The following SHROOM4 variants were observed in gnomAD, a reference collection of about 807,000 sequenced individuals.
The protein encoded by SHROOM4 is shroom family member 4, also known as protein Shroom4.
SHROOM4 carries 17 observed loss-of-function variants against 80.3 expected under a neutral mutation model. That is an observed-to-expected ratio of 0.21 (90% CI 0.14 to 0.32). The LOEUF is 0.32. Among genes scored for constraint, SHROOM4 ranks in the 10% least tolerant of loss-of-function variants. The pLI is 1.00. For synonymous variants in SHROOM4, 400 were observed against 437.5 expected (o/e 0.91, Z 1.07); for missense variants, 993 against 1,140.3 (o/e 0.87, Z 1.86).
rs782630741 is a variant in SHROOM4, at chrX:50,763,510, T to C, written c.117+50392A>G. On this transcript the variant is annotated intron_variant, in intron 1 of 8. Coordinates refer to ENST00000376020, the MANE Select transcript of SHROOM4 (RefSeq NM_020717.5). ...ATACTGTAACAAATCTAGATTCTGA[T>C]TAGCTTTCCCACCACTACCATGGGG... Among the ~76,000 whole-genome samples the C allele has an allele frequency of 4.5e-5, 5 of 111,688 alleles. No homozygotes were observed. In the East Asian group the frequency reaches 1.1e-3, roughly 25 times the overall value.
At chrX:50,649,038 G>A (rs1036958606) in intron 2 of SHROOM4, among the ~76,000 whole-genome samples, 1 of 111,828 alleles carries the variant, frequency 8.9e-6, no homozygotes, top group African/African-American at 3.3e-5. Context: ...TAAAATCAGA[G>A]CAATGGCAGT....
intron 1 of SHROOM4, among the ~76,000 whole-genome samples, chrX:50,758,359 TG>T (rs2147619581): frequency 8.9e-6 from 1 of 112,166 alleles, no homozygotes; most frequent in African/African-American, 3.2e-5. Flanking sequence ...TTTTTGTATA[TG>T]CCCTTTATCA....
chrX:50,612,692 G>A (rs782694492), intron 5 of SHROOM4, among the ~76,000 whole-genome samples: 3 of 111,504 alleles, frequency 2.7e-5, no homozygotes, highest in African/African-American at 9.8e-5. Context: ...ATCAAGTGGG[G>A]TTCATCCTAG....
Position 50,714,667 on chromosome X carries a change from T to C in SHROOM4, c.118-18730A>G, listed in dbSNP as rs1169440173. On this transcript the variant is annotated intron_variant, in intron 1 of 8. Coordinates refer to ENST00000376020, the MANE Select transcript of SHROOM4 (RefSeq NM_020717.5). ...AATGCACTTCAACACTTTTAAATTA[T>C]AACTTTAATTTACAGTATGTTAAGA... 8.0e-5 allele frequency among the ~76,000 whole-genome samples: 9 copies of C among 112,506 alleles called. No homozygotes were observed. In the East Asian group the frequency reaches 2.2e-3, roughly 28 times the overall value.
chrX:50,627,523 C>G, intron 5 of SHROOM4, 91 bp downstream of exon 5: 2 of 850,292 alleles, frequency 2.4e-6, no homozygotes, highest in South Asian at 4.1e-5. Flanking sequence ...CCAGTTTCCT[C>G]AAAGGAAACT....
intron 2 of SHROOM4, among the ~76,000 whole-genome samples, chrX:50,694,370 G>GT (rs782772040): frequency 0.021 from 1,993 of 94,757 alleles, 26 homozygotes; most frequent in Non-Finnish European, 0.033. Flanking sequence ...ACCAGCATCT[G>GT]TTTTTTTTTT....
At chrX:50,694,650 T>C (rs1557262909) in intron 2 of SHROOM4, among the ~76,000 whole-genome samples, 1 of 102,986 alleles carries the variant, frequency 9.7e-6, no homozygotes, top group East Asian at 3.1e-4. Flanking sequence ...GCTATAATGT[T>C]AAATGCCATA....
At chrX:50,615,101 TGTGTG>T (rs1569546554) in intron 5 of SHROOM4, among the ~76,000 whole-genome samples, 5 of 41,177 alleles carry the variant, frequency 1.2e-4, no homozygotes, top group African/African-American at 9.8e-4. Context: ...TCTCTTATTG[TGTGTG>T]TGTGTGTGTG....
chrX:50,575,848 A>T, the SHROOM4 span, among the ~76,000 whole-genome samples: 813 of 111,950 alleles, frequency 7.3e-3, 12 homozygotes, highest in African/African-American at 0.025. Flanking sequence ...CCAGTTTTAG[A>T]ACATTTTCCC....
chrX:50,787,840 A>G (rs967541704), intron 1 of SHROOM4, among the ~76,000 whole-genome samples: 18 of 111,038 alleles, frequency 1.6e-4, no homozygotes, highest in African/African-American at 5.9e-4. Flanking sequence ...AAAGATGAAG[A>G]GATTAAGCTT....
intron 1 of SHROOM4, among the ~76,000 whole-genome samples, chrX:50,794,647 T>TGC (rs373840423): frequency 1.0e-5 from 1 of 97,195 alleles, no homozygotes; most frequent in Non-Finnish European, 2.1e-5. Context: ...CACACACACA[T>TGC]ACACACACAC....
At chrX:50,585,993 C>A (rs1193411779), downstream of SHROOM4, among the ~76,000 whole-genome samples, 3 of 111,669 alleles carry the variant, frequency 2.7e-5, no homozygotes, top group African/African-American at 9.8e-5. Flanking sequence ...AATTTATCCA[C>A]AATCTCATTA....
intron 1 of SHROOM4, among the ~76,000 whole-genome samples, chrX:50,742,558 C>T (rs1462013273): frequency 2.0e-5 from 2 of 102,233 alleles, no homozygotes; most frequent in African/African-American, 7.6e-5. Context: ...TCCAGTAGTA[C>T]TGGTCAGGTA....
At chrX:50,699,313 C>T (rs922999741) in intron 1 of SHROOM4, among the ~76,000 whole-genome samples, 5 of 111,938 alleles carry the variant, frequency 4.5e-5, no homozygotes, top group Admixed American at 9.5e-5. Context: ...TGACTTTGGA[C>T]AAGTCCCTTT....
At chrX:50,620,730 G>A (rs1930538771) in intron 5 of SHROOM4, among the ~76,000 whole-genome samples, 1 of 111,566 alleles carries the variant, frequency 9.0e-6, no homozygotes, top group African/African-American at 3.3e-5. Flanking sequence ...ATGCCTTGAA[G>A]TTGCTTCTAT....
chrX:50,776,373 T>C (rs782348573), intron 1 of SHROOM4, among the ~76,000 whole-genome samples: 46 of 112,012 alleles, frequency 4.1e-4, no homozygotes, highest in Non-Finnish European at 7.3e-4. Flanking sequence ...AAGGTAGTAT[T>C]GAGCATTACT....
At chrX:50,651,742 C>G (rs1358530034) in intron 2 of SHROOM4, among the ~76,000 whole-genome samples, 2 of 100,628 alleles carry the variant, frequency 2.0e-5, no homozygotes, top group African/African-American at 7.3e-5. Context: ...AGCCCCTTAA[C>G]CCCCGACATG....
At chrX:50,676,400 G>T (rs1194851467) in intron 2 of SHROOM4, among the ~76,000 whole-genome samples, 2 of 110,724 alleles carry the variant, frequency 1.8e-5, no homozygotes, top group African/African-American at 6.5e-5. Context: ...TATTTTGCAA[G>T]GCAAAACTCC....
At chrX:50,714,660 T>C (rs922039534) in intron 1 of SHROOM4, among the ~76,000 whole-genome samples, 2 of 112,436 alleles carry the variant, frequency 1.8e-5, no homozygotes, top group African/African-American at 6.5e-5. Flanking sequence ...TCAACACTTT[T>C]AAATTATAAC....
Sources: allele counts gnomAD v4.1 joint callset (sites outside exome capture counted in the v4.1 genomes callset), GRCh38; gene constraint gnomAD v4.1.1; transcripts MANE v1.5; gene names NCBI Gene and HGNC (gene_info 2026-07-23, HGNC 2026-07-21).